ERC1: variants seen among roughly 807,000 people sequenced by gnomAD.
ERC1 encodes the protein RAB6 interacting protein 2.
ERC1 carries 56 observed loss-of-function variants against 132.0 expected under a neutral mutation model. The ratio of observed to expected loss-of-function variants is 0.42; its 90% confidence interval spans 0.34 to 0.53. The LOEUF is 0.53. Ranked by LOEUF, ERC1 falls within the 20% of genes least tolerant of loss-of-function variation. ERC1 has a pLI of 0.03. For missense variants in ERC1, 1,202 were observed against 1,349.9 expected (o/e 0.89, Z 1.72); for synonymous variants, 478 against 476.1 (o/e 1.00, Z -0.05).
chr12:1,108,675 A>G (rs1945518625), intron 4 of ERC1, among the ~76,000 whole-genome samples: 1 of 152,218 alleles, frequency 6.6e-6, no homozygotes, highest in Non-Finnish European at 1.5e-5. Context: ...ATTCCACATG[A>G]GTAAATAAAA....
chr12:1,155,303 A>G (rs1396160593), intron 8 of ERC1, among the ~76,000 whole-genome samples: 1 of 131,610 alleles, frequency 7.6e-6, no homozygotes, highest in Non-Finnish European at 1.6e-5. Context: ...TCACAGGGCG[A>G]GACTTCATCT....
chr12:1,004,665 A>G (rs1342017492), intron 1 of ERC1, among the ~76,000 whole-genome samples: 1 of 151,704 alleles, frequency 6.6e-6, no homozygotes, highest in Non-Finnish European at 1.5e-5. Context: ...TTGGCCCCCC[A>G]AAGTGCTGGG....
intron 16 of ERC1, among the ~76,000 whole-genome samples, chr12:1,383,376 C>A (rs1209504134): frequency 6.6e-6 from 1 of 152,176 alleles, no homozygotes; most frequent in Non-Finnish European, 1.5e-5. Context: ...CTCCGTTAAA[C>A]TTCTCTTGGT....
chr12:1,144,519 G>A (rs975698388), intron 8 of ERC1, among the ~76,000 whole-genome samples: 2 of 151,326 alleles, frequency 1.3e-5, no homozygotes, highest in Admixed American at 6.6e-5. Flanking sequence ...TTCCATTCCT[G>A]AGTTACTTCA....
At chr12:1,479,487 C>T (rs921501131) in intron 18 of ERC1, among the ~76,000 whole-genome samples, 3 of 152,060 alleles carry the variant, frequency 2.0e-5, no homozygotes, top group Non-Finnish European at 2.9e-5. Context: ...TGTAATCTTT[C>T]GAGAGGGCAA....
intron 9 of ERC1, among the ~76,000 whole-genome samples, chr12:1,181,082 G>A (rs1298400534): frequency 1.3e-5 from 2 of 152,094 alleles, no homozygotes; most frequent in East Asian, 3.9e-4. Context: ...CAAAGTGTTG[G>A]GATTACAGGC....
chr12:1,451,843 G>A (rs991354646), intron 18 of ERC1, among the ~76,000 whole-genome samples: 2 of 152,100 alleles, frequency 1.3e-5, no homozygotes, highest in Admixed American at 1.3e-4. Flanking sequence ...TATATTTAGA[G>A]ATAAGACCTT....
chr12:1,341,672 G>A (rs902580829), intron 15 of ERC1, among the ~76,000 whole-genome samples: 1 of 145,192 alleles, frequency 6.9e-6, no homozygotes, highest in Non-Finnish European at 1.5e-5. Context: ...GGGGTGGGGG[G>A]TTGGGGGAGG....
intron 15 of ERC1, among the ~76,000 whole-genome samples, chr12:1,342,434 T>TC (rs1230959896): frequency 7.0e-6 from 1 of 143,402 alleles, no homozygotes; most frequent in African/African-American, 2.6e-5. Flanking sequence ...GCCATCGCAC[T>TC]CCAGCCTGGG....
At chr12:1,172,930 C>T (rs1297841573) in intron 8 of ERC1, among the ~76,000 whole-genome samples, 2 of 152,174 alleles carry the variant, frequency 1.3e-5, no homozygotes, top group East Asian at 1.9e-4. Context: ...AAATCCTTAA[C>T]GTCAAGCATC....
chr12:1,394,480 A>G (rs2090364623), intron 16 of ERC1, among the ~76,000 whole-genome samples: 1 of 152,154 alleles, frequency 6.6e-6, no homozygotes, highest in Non-Finnish European at 1.5e-5. Context: ...CTGTACACTC[A>G]GTGATATGGT....
intron 16 of ERC1, among the ~76,000 whole-genome samples, chr12:1,396,433 A>G (rs1343172150): frequency 6.6e-6 from 1 of 152,226 alleles, no homozygotes; most frequent in African/African-American, 2.4e-5. Context: ...AAAGGATTTT[A>G]TCTAAGCTGG....
intron 11 of ERC1, among the ~76,000 whole-genome samples, chr12:1,184,137 CA>C (rs75254476): frequency 0.012 from 1,018 of 83,900 alleles, 4 homozygotes; most frequent in South Asian, 0.046. Flanking sequence ...CTCCATCTCA[CA>C]AAAAAAAAAA....
chr12:1,262,514 C>T (rs1232730448), intron 13 of ERC1, among the ~76,000 whole-genome samples: 1 of 152,200 alleles, frequency 6.6e-6, no homozygotes, highest in Non-Finnish European at 1.5e-5. Flanking sequence ...TCTTGAAATA[C>T]TAGGATGCAT....
At chr12:1,103,625 C>T (rs1435985000) in intron 3 of ERC1, among the ~76,000 whole-genome samples, 1 of 152,056 alleles carries the variant, frequency 6.6e-6, no homozygotes, top group African/African-American at 2.4e-5. Flanking sequence ...TTCCTGACTG[C>T]GGCTTGAGAG....
chr12:1,474,398 T>C (rs1486506476), intron 18 of ERC1, among the ~76,000 whole-genome samples: 1 of 152,202 alleles, frequency 6.6e-6, no homozygotes, highest in Non-Finnish European at 1.5e-5. Flanking sequence ...TTTATACCCA[T>C]CAATACATCC....
At chr12:1,076,488 C>T (rs898453081) in intron 2 of ERC1, among the ~76,000 whole-genome samples, 8 of 151,348 alleles carry the variant, frequency 5.3e-5, no homozygotes, top group Admixed American at 5.3e-4. Flanking sequence ...TCTGCCTCCC[C>T]GGTTCTAGCA....
chr12:1,447,034 A>T (rs921402713), intron 18 of ERC1, among the ~76,000 whole-genome samples: 3 of 151,834 alleles, frequency 2.0e-5, no homozygotes, highest in Non-Finnish European at 2.9e-5. Context: ...AAAACGAAAA[A>T]AAAAAAAAGG....
chr12:1,200,533 C>A (rs1286606953), intron 12 of ERC1, among the ~76,000 whole-genome samples: 1 of 151,656 alleles, frequency 6.6e-6, no homozygotes, highest in Non-Finnish European at 1.5e-5. Flanking sequence ...TTTTCTCATT[C>A]TGCTATCTAA....
Sources: allele counts gnomAD v4.1 joint callset (sites outside exome capture counted in the v4.1 genomes callset), GRCh38; gene constraint gnomAD v4.1.1; transcripts MANE v1.5; gene names NCBI Gene and HGNC (gene_info 2026-07-23, HGNC 2026-07-21).